SLC12A8: variants seen among roughly 807,000 people sequenced by gnomAD.
SLC12A8 encodes cation-chloride cotransporter 9.
Under a neutral mutation model 75.6 loss-of-function variants are expected in SLC12A8, and 69 were observed. The ratio of observed to expected loss-of-function variants is 0.91; its 90% CI spans 0.75 to 1.11. The LOEUF (loss-of-function observed/expected upper bound fraction) is 1.11. Among genes scored for constraint, SLC12A8 ranks in the 50% most tolerant of loss-of-function variants. The pLI is 0.00. For synonymous variants in SLC12A8, 365 were observed against 372.8 expected (o/e 0.98, Z 0.24); for missense variants, 877 against 896.7 (o/e 0.98, Z 0.28).
rs1255951791 is a variant in SLC12A8, at chr3:125,141,954, C to T, written c.623-6172G>A. Among the ~76,000 whole-genome samples the T allele has an allele frequency of 2.6e-5, 4 of 152,164 alleles. No homozygotes were observed. In the South Asian group the frequency reaches 8.3e-4, roughly 32 times the overall value. ...CGCTTCTGGGAAGGGACCCGCACGACGACGCCCGAAGGGCGTCGGGGGAAG... is the reference window on the plus strand; with the variant it reads ...CGCTTCTGGGAAGGGACCCGCACGATGACGCCCGAAGGGCGTCGGGGGAAG... On this transcript the variant is annotated intron_variant, in intron 5 of 13. Coordinates refer to ENST00000469902, the MANE Select transcript of SLC12A8 (RefSeq NM_024628.6).
At chr3:125,125,111 C>G (rs1579488201) in intron 6 of SLC12A8, among the ~76,000 whole-genome samples, 1 of 131,462 alleles carries the variant, frequency 7.6e-6, no homozygotes, top group Non-Finnish European at 1.6e-5. Context: ...ACTTATTTGG[C>G]ATTGAACCCT....
At chr3:125,166,491 C>T (rs1934293222) in intron 5 of SLC12A8, among the ~76,000 whole-genome samples, 1 of 152,134 alleles carries the variant, frequency 6.6e-6, no homozygotes, top group Non-Finnish European at 1.5e-5. Flanking sequence ...TCCCGCTGCC[C>T]CCAAAATAAA....
intron 5 of SLC12A8, among the ~76,000 whole-genome samples, chr3:125,148,785 C>T (rs1303965497): frequency 1.3e-5 from 2 of 152,188 alleles, no homozygotes; most frequent in Non-Finnish European, 2.9e-5. Flanking sequence ...CTTGAGGGCA[C>T]ATATCCCACT....
chr3:125,122,014 C>T (rs550572666), intron 6 of SLC12A8, among the ~76,000 whole-genome samples: 1 of 152,192 alleles, frequency 6.6e-6, no homozygotes, highest in South Asian at 2.1e-4. Flanking sequence ...TTAGAAACAA[C>T]CTAATGTCTA....
intron 6 of SLC12A8, among the ~76,000 whole-genome samples, chr3:125,133,023 AC>A (rs1933397730): frequency 6.6e-6 from 1 of 152,206 alleles, no homozygotes; most frequent in East Asian, 1.9e-4. Context: ...CAAGGAAGTC[AC>A]TGGTGAAAGA....
At chr3:125,134,047 A>G (rs969178846) in intron 6 of SLC12A8, among the ~76,000 whole-genome samples, 1 of 151,800 alleles carries the variant, frequency 6.6e-6, no homozygotes, top group Non-Finnish European at 1.5e-5. Flanking sequence ...GGTCTGACTT[A>G]TTTTACTCAG....
intron 5 of SLC12A8, among the ~76,000 whole-genome samples, chr3:125,173,926 G>A (rs1354539546): frequency 6.6e-6 from 1 of 152,030 alleles, no homozygotes; most frequent in Admixed American, 6.6e-5. Flanking sequence ...CCCCATCTCT[G>A]ATAAAAATAC....
At chr3:125,152,177 GA>G (rs1158781601) in intron 5 of SLC12A8, among the ~76,000 whole-genome samples, 6 of 152,228 alleles carry the variant, frequency 3.9e-5, no homozygotes, top group Non-Finnish European at 8.8e-5. Context: ...GAGAAAGCAA[GA>G]AGTGACTTTC....
At chr3:125,158,042 G>C (rs1255628251) in intron 5 of SLC12A8, among the ~76,000 whole-genome samples, 1 of 152,152 alleles carries the variant, frequency 6.6e-6, no homozygotes, top group African/African-American at 2.4e-5. Flanking sequence ...AGGAAGGATG[G>C]CGGAAATGAA....
At chr3:125,165,736 A>G (rs1444830569) in intron 5 of SLC12A8, among the ~76,000 whole-genome samples, 2 of 152,162 alleles carry the variant, frequency 1.3e-5, no homozygotes, top group African/African-American at 4.8e-5. Flanking sequence ...TCTTTGCACA[A>G]GTATTTCCTG....
intron 5 of SLC12A8, among the ~76,000 whole-genome samples, chr3:125,158,282 G>T (rs1264893432): frequency 6.6e-6 from 1 of 151,522 alleles, no homozygotes. Flanking sequence ...GTGCAGTGGC[G>T]CGATCTTGGC....
At chr3:125,139,280 C>T (rs558317418) in intron 5 of SLC12A8, among the ~76,000 whole-genome samples, 18 of 151,754 alleles carry the variant, frequency 1.2e-4, no homozygotes, top group Non-Finnish European at 1.9e-4. Flanking sequence ...AGTCGTACCT[C>T]CATGACCCAC....
chr3:125,125,815 T>C (rs999766353), intron 6 of SLC12A8: 7 of 430,764 alleles, frequency 1.6e-5, no homozygotes, highest in African/African-American at 1.1e-4. Flanking sequence ...CTAACACCCC[T>C]GCTCTTTGTA....
chr3:125,122,860 T>C (rs1933098297), intron 6 of SLC12A8, among the ~76,000 whole-genome samples: 1 of 151,936 alleles, frequency 6.6e-6, no homozygotes, highest in Non-Finnish European at 1.5e-5. Context: ...TAAATCAGGA[T>C]ACAGAGAGAA....
intron 5 of SLC12A8, among the ~76,000 whole-genome samples, chr3:125,142,583 G>GTTC (rs1280965077): frequency 1.3e-5 from 2 of 152,222 alleles, no homozygotes; most frequent in African/African-American, 4.8e-5. Context: ...AGGAACCAGG[G>GTTC]TTCGGGCCCT....
At chr3:125,090,009 C>T (rs1259401510) in intron 12 of SLC12A8, among the ~76,000 whole-genome samples, 1 of 151,722 alleles carries the variant, frequency 6.6e-6, no homozygotes, top group Non-Finnish European at 1.5e-5. Context: ...TATTTATTTT[C>T]TGTATTTTAA....
rs201967629 is a variant in SLC12A8 at position 125,198,374 on chromosome 3, C to G, written c.52-7853G>C. Among the ~76,000 whole-genome samples the G allele has an allele frequency of 5.9e-5, 9 of 152,134 alleles. No homozygotes were observed. In the East Asian group the frequency reaches 1.7e-3, roughly 29 times the overall value. Reference sequence around the variant, plus strand: ...ACTGGCCAGGTGCAGTGGCTCAGGCCTATAATCCCAGCACTTTGGGAGGCT... The same window carrying G: ...ACTGGCCAGGTGCAGTGGCTCAGGCGTATAATCCCAGCACTTTGGGAGGCT... On this transcript the variant is annotated intron_variant, in intron 2 of 13. Transcript: ENST00000469902.
At chr3:125,099,790 T>C (rs1000635512) in intron 10 of SLC12A8, among the ~76,000 whole-genome samples, 9 of 152,024 alleles carry the variant, frequency 5.9e-5, no homozygotes, top group African/African-American at 1.9e-4. Context: ...TAGCTGAGCA[T>C]GGTGGTGGGC....
chr3:125,146,328 A>G (rs990567737), intron 5 of SLC12A8, among the ~76,000 whole-genome samples: 1 of 152,226 alleles, frequency 6.6e-6, no homozygotes, highest in Non-Finnish European at 1.5e-5. Context: ...TGGGGTGATG[A>G]CAAAGTTTTG....
Sources: gnomAD v4.1 joint callset for allele counts (sites outside exome capture counted in the v4.1 genomes callset) on GRCh38, gnomAD v4.1.1 for gene constraint, MANE v1.5 for transcripts, NCBI Gene and HGNC (gene_info 2026-07-23, HGNC 2026-07-21) for gene names.